CRACD: variants seen among roughly 807,000 people sequenced by gnomAD.
CRACD encodes the protein capping protein-inhibiting regulator of actin dynamics.
In CRACD, 56 loss-of-function variants were observed where a neutral mutation model predicts 106.8. That is an observed-to-expected ratio of 0.52 (90% confidence interval 0.42 to 0.66). The LOEUF is 0.66. Ranked by LOEUF, CRACD falls within the 30% of genes least tolerant of loss-of-function variation. CRACD has a pLI of 0.00. For missense variants in CRACD, 1,730 were observed against 1,623.2 expected, an observed-to-expected ratio of 1.07 and a Z score of -1.13; for synonymous variants, 754 against 670.8, an observed-to-expected ratio of 1.12 and a Z score of -1.92.
chr4:56,301,171 C>T (rs757189695), intron 4 of CRACD: 17 of 1,171,590 alleles, frequency 1.5e-5, no homozygotes, highest in East Asian at 5.8e-5. Context: ...TTTTTTTTGG[C>T]GTGACTTGAG....
chr4:56,259,206 G>A (rs1194123729), intron 2 of CRACD, among the ~76,000 whole-genome samples: 1 of 152,144 alleles, frequency 6.6e-6, no homozygotes, highest in African/African-American at 2.4e-5. Context: ...CAGATGTGAG[G>A]TCTGCATGAC....
At chr4:56,285,148 T>C (rs1465396857) in intron 3 of CRACD, among the ~76,000 whole-genome samples, 1 of 152,110 alleles carries the variant, frequency 6.6e-6, no homozygotes, top group Non-Finnish European at 1.5e-5. Flanking sequence ...CCACACACTT[T>C]TAACCATCAG....
intron 1 of CRACD, among the ~76,000 whole-genome samples, chr4:56,102,161 TC>T (rs1256500575): frequency 6.6e-6 from 1 of 152,222 alleles, no homozygotes; most frequent in African/African-American, 2.4e-5. Context: ...GCCAAATTAT[TC>T]TGCTGCAAAG....
At chr4:56,079,311 A>G (rs1219400291) in intron 1 of CRACD, among the ~76,000 whole-genome samples, 2 of 151,254 alleles carry the variant, frequency 1.3e-5, no homozygotes, top group African/African-American at 4.9e-5. Flanking sequence ...TATTTCTGGA[A>G]GGAAGATTTC....
chr4:56,197,844 A>AT (rs1222389243), intron 2 of CRACD, among the ~76,000 whole-genome samples: 9 of 152,082 alleles, frequency 5.9e-5, no homozygotes, highest in African/African-American at 2.2e-4. Context: ...CGCCCGGCTA[A>AT]TTTTTTGTAT....
chr4:56,099,978 C>T (rs1007517855), intron 1 of CRACD, among the ~76,000 whole-genome samples: 4 of 152,150 alleles, frequency 2.6e-5, no homozygotes, highest in African/African-American at 9.7e-5. Context: ...CACGGTGGCT[C>T]ATGCCTGTAA....
chr4:56,330,060 A>G lies in CRACD; in HGVS notation c.*2256A>G, dbSNP rs1746707148. Among the ~76,000 whole-genome samples, 1 of 152,192 alleles carries G rather than the reference A, an allele frequency of 6.6e-6. No individual in the cohort carries two copies. The highest frequency in any genetic ancestry group is 2.1e-4 in the South Asian group (1 of 4,832). On this transcript the variant is annotated 3_prime_UTR_variant, in exon 11 of 11. Coordinates refer to ENST00000682029, the MANE Select transcript of CRACD (RefSeq NM_001393381.1). The stretch of plus-strand genomic sequence containing the variant: ...CATTTCAAAATCACCCCAAATTTGC[A>G]CTAAATACCAATGAAGTGTTATTTT...
At chr4:56,051,600 C>T (rs1378015685) in intron 1 of CRACD, among the ~76,000 whole-genome samples, 2 of 152,172 alleles carry the variant, frequency 1.3e-5, no homozygotes, top group African/African-American at 4.8e-5. Context: ...GCCACTAAAG[C>T]AACAATGCCA....
In CRACD at chr4:56,144,837, A is replaced by G. The variant is rs143895425; in HGVS notation, c.-335-34447A>G. On this transcript the variant is annotated intron_variant, in intron 1 of 10. Transcript: ENST00000682029. ...CCTGGCTAATGTTTATATTTTTAGTAGAGACGGTGTTTTGCTATGTTGGCC... is the reference window on the plus strand; with the variant it reads ...CCTGGCTAATGTTTATATTTTTAGTGGAGACGGTGTTTTGCTATGTTGGCC... Among the ~76,000 whole-genome samples the G allele has an allele frequency of 5.1e-3, 769 of 152,164 alleles. 10 individuals are homozygous for G. The highest frequency in any genetic ancestry group is 0.017 in the African/African-American group (695 of 41,520).
intron 2 of CRACD, among the ~76,000 whole-genome samples, chr4:56,231,946 T>G (rs930184470): frequency 6.6e-6 from 1 of 152,226 alleles, no homozygotes; most frequent in Admixed American, 6.6e-5. Flanking sequence ...GTTGTGTATA[T>G]GCTATGCACC....
At chr4:56,213,685 T>C (rs1053356029) in intron 2 of CRACD, among the ~76,000 whole-genome samples, 1 of 152,200 alleles carries the variant, frequency 6.6e-6, no homozygotes, top group African/African-American at 2.4e-5. Flanking sequence ...GTTTGCCTTA[T>C]TTCTGGATTG....
chr4:56,049,584 T>A (rs1327520678), intron 1 of CRACD, among the ~76,000 whole-genome samples: 1 of 152,092 alleles, frequency 6.6e-6, no homozygotes, highest in Non-Finnish European at 1.5e-5. Context: ...GCGGAGAATA[T>A]GGGACCTCGC....
chr4:56,191,400 C>G (rs1321734408), intron 2 of CRACD, among the ~76,000 whole-genome samples: 1 of 151,972 alleles, frequency 6.6e-6, no homozygotes, highest in Non-Finnish European at 1.5e-5. Context: ...TTCCTCCCTC[C>G]CTCCCTCTGT....
intron 1 of CRACD, among the ~76,000 whole-genome samples, chr4:56,070,847 CTGTGTGTGTGTGTGTG>C (rs60372588): frequency 1.9e-4 from 23 of 120,432 alleles, no homozygotes; most frequent in Middle Eastern, 4.2e-3. Flanking sequence ...AGGGGCTATG[CTGTGTGTGTGTGTGTG>C]TGTGTGTGTG....
intron 8 of CRACD, among the ~76,000 whole-genome samples, chr4:56,318,463 G>C (rs190507104): frequency 6.6e-4 from 101 of 152,230 alleles, no homozygotes; most frequent in Admixed American, 4.5e-3. Context: ...CATAGTATCT[G>C]CAAAGTCTCT....
chr4:56,056,041 GTTGAACT>G (rs1263295356), intron 1 of CRACD, among the ~76,000 whole-genome samples: 2 of 152,130 alleles, frequency 1.3e-5, no homozygotes, highest in Non-Finnish European at 2.9e-5. Flanking sequence ...TGCCATTTCT[GTTGAACT>G]TTCATCTGAA....
At chr4:56,245,753 C>G (rs1740644773) in intron 2 of CRACD, among the ~76,000 whole-genome samples, 1 of 152,090 alleles carries the variant, frequency 6.6e-6, no homozygotes. Context: ...ACCTTAGTAC[C>G]TATATTCTGT....
At chr4:56,289,699 A>C (rs1332389938) in intron 3 of CRACD, among the ~76,000 whole-genome samples, 1 of 152,084 alleles carries the variant, frequency 6.6e-6, no homozygotes, top group Non-Finnish European at 1.5e-5. Context: ...AAAAAAAAAA[A>C]AAAAACAAAG....
chr4:56,205,534 G>A (rs1222868588), intron 2 of CRACD, among the ~76,000 whole-genome samples: 1 of 151,948 alleles, frequency 6.6e-6, no homozygotes. Context: ...TTTTGTATGT[G>A]TGTGTGTAAG....
Sources: gnomAD v4.1 joint callset for allele counts (sites outside exome capture counted in the v4.1 genomes callset) on GRCh38, gnomAD v4.1.1 for gene constraint, MANE v1.5 for transcripts, NCBI Gene and HGNC (gene_info 2026-07-23, HGNC 2026-07-21) for gene names.